The following ARID1B variants were observed in gnomAD, a reference collection of about 807,000 sequenced individuals.
ARID1B encodes AT-rich interactive domain-containing protein 1B.
In ARID1B, 30 loss-of-function variants were observed where a neutral mutation model predicts 212.3. The ratio of observed to expected loss-of-function variants is 0.14; its 90% CI spans 0.11 to 0.19. ARID1B has a LOEUF of 0.19. Ranked by LOEUF, ARID1B falls within the 10% of genes least tolerant of loss-of-function variation. ARID1B has a pLI of 1.00. For missense variants in ARID1B, 2,891 were observed against 3,204.0 expected (o/e 0.90, Z 2.36); for synonymous variants, 1,402 against 1,301.7 (o/e 1.08, Z -1.66).
At chr6:156,869,221 C>T (rs1184215279) in intron 2 of ARID1B, among the ~76,000 whole-genome samples, 1 of 152,148 alleles carries the variant, frequency 6.6e-6, no homozygotes, top group Non-Finnish European at 1.5e-5. Context: ...AGATTTAATA[C>T]TTTTAGCTGT....
intron 4 of ARID1B, among the ~76,000 whole-genome samples, chr6:157,061,675 CTTG>C (rs1583236227): frequency 2.0e-5 from 3 of 152,070 alleles, no homozygotes; most frequent in Non-Finnish European, 4.4e-5. Flanking sequence ...ACACTTAAAA[CTTG>C]TTATTTCTCT....
At chr6:156,920,868 T>G (rs1202188260) in intron 3 of ARID1B, among the ~76,000 whole-genome samples, 3 of 151,944 alleles carry the variant, frequency 2.0e-5, no homozygotes. Context: ...TTTCTTTTTT[T>G]TTTTTGACAG....
chr6:157,176,473 A>G (rs141941715), intron 11 of ARID1B, among the ~76,000 whole-genome samples: 2 of 152,216 alleles, frequency 1.3e-5, no homozygotes, highest in Admixed American at 6.5e-5. Flanking sequence ...TAGAATTCAG[A>G]TAACTTCTCA....
chr6:157,186,235 T>A (rs1792964590), intron 13 of ARID1B: 1 of 340,564 alleles, frequency 2.9e-6, no homozygotes, highest in Non-Finnish European at 5.8e-6. Flanking sequence ...CCTGTTCTCT[T>A]AACAGCCAGC....
intron 16 of ARID1B, 135 bp downstream of exon 16, chr6:157,196,450 C>T (rs1324281575): frequency 1.7e-6 from 2 of 1,153,906 alleles, no homozygotes; most frequent in African/African-American, 3.2e-5. Flanking sequence ...AGTAAAGAGG[C>T]AATGGCTGCT....
At chr6:156,842,973 G>A (rs962806895) in intron 2 of ARID1B, among the ~76,000 whole-genome samples, 9 of 152,244 alleles carry the variant, frequency 5.9e-5, no homozygotes, top group African/African-American at 2.2e-4. Flanking sequence ...CTTGCTGTGT[G>A]TGCAACACAT....
At chr6:156,985,066 T>G (rs1304952696) in intron 4 of ARID1B, 1 of 152,166 alleles carries the variant, frequency 6.6e-6, no homozygotes, top group African/African-American at 2.4e-5. Flanking sequence ...TAAATATTGC[T>G]TTATATATTT....
chr6:156,890,136 C>A (rs1787809964), intron 2 of ARID1B, among the ~76,000 whole-genome samples: 1 of 152,170 alleles, frequency 6.6e-6, no homozygotes, highest in Admixed American at 6.5e-5. Context: ...AAATTGAGGT[C>A]ATGAGAGGCA....
chr6:156,813,786 C>T (rs985249907), intron 1 of ARID1B, among the ~76,000 whole-genome samples: 3 of 152,300 alleles, frequency 2.0e-5, no homozygotes, highest in Admixed American at 1.3e-4. Flanking sequence ...GAGCTTACAG[C>T]GCTTTGCAGA....
At position 156,856,700 on chromosome 6, in the gene ARID1B, T is replaced by TCACACA. The variant is rs141705209; in HGVS notation, c.1986+27316_1986+27321dup. Among the ~76,000 whole-genome samples the TCACACA allele has an allele frequency of 4.6e-4, 53 of 114,732 alleles. 1 individual carries two copies. Among genetic ancestry groups the TCACACA allele is most frequent in the Admixed American group, 1.0e-3 (11 of 11,054 alleles). 75.3% of individuals were successfully genotyped at this position (114,732 alleles called of 152,430 possible). On this transcript the variant is annotated intron_variant, in intron 2 of 19. Transcript: ENST00000636930. ...CTCTCTCTCTCTCTCTCTCTCTCTC[T>TCACACA]CACACACACACACACACACACACAC...
intron 1 of ARID1B, among the ~76,000 whole-genome samples, chr6:156,793,180 A>G (rs1194506524): frequency 6.6e-6 from 1 of 152,088 alleles, no homozygotes; most frequent in East Asian, 1.9e-4. Flanking sequence ...GCAAAAGGGA[A>G]TTCTGTGATT....
At chr6:156,802,074 G>A (rs567276039) in intron 1 of ARID1B, among the ~76,000 whole-genome samples, 1 of 152,346 alleles carries the variant, frequency 6.6e-6, no homozygotes, top group Non-Finnish European at 1.5e-5. Context: ...GCAGATAAAT[G>A]TGTAAACGGC....
chr6:156,790,062 C>T (rs2115174593), intron 1 of ARID1B, among the ~76,000 whole-genome samples: 1 of 152,194 alleles, frequency 6.6e-6, no homozygotes, highest in East Asian at 1.9e-4. Flanking sequence ...CTAATCCATA[C>T]CATGGCAGTT....
At position 157,196,443 on chromosome 6, in the gene ARID1B, A is replaced by G. The variant is rs1053427506; in HGVS notation, c.4382+128A>G. The G allele has an allele frequency of 3.2e-6, 4 of 1,243,342 alleles. No homozygotes were observed. The African/African-American group carries it at 4.6e-5, about 14-fold the overall frequency. The allele number at this position is 1,243,342 out of a possible 1,614,324, so 77.0% of individuals were successfully genotyped here. A position where few individuals can be genotyped will look rare whatever the true frequency, so the allele number is the denominator to read the frequency against. On this transcript the variant is annotated intron_variant, in intron 16 of 19. Transcript: ENST00000636930. ...ACAGTGTCCCCTTTCCTGTGAAAGT[A>G]AAGAGGCAATGGCTGCTGGTCACCA...
At chr6:156,902,296 A>G (rs936563160) in intron 3 of ARID1B, 3 of 152,274 alleles carry the variant, frequency 2.0e-5, no homozygotes, top group African/African-American at 4.8e-5. Context: ...AGCACATCCA[A>G]TCATAAACAT....
intron 2 of ARID1B, among the ~76,000 whole-genome samples, chr6:156,860,147 G>A (rs1785228219): frequency 6.6e-6 from 1 of 152,150 alleles, no homozygotes; most frequent in Non-Finnish European, 1.5e-5. Flanking sequence ...TGCAGAATAT[G>A]CTTTAAATTT....
chr6:156,911,477 C>T (rs983576925), intron 3 of ARID1B, among the ~76,000 whole-genome samples: 2 of 151,890 alleles, frequency 1.3e-5, no homozygotes, highest in African/African-American at 2.4e-5. Context: ...CATTCCTACC[C>T]TATAGCCACT....
At chr6:157,002,869 T>C (rs1778985413) in intron 4 of ARID1B, among the ~76,000 whole-genome samples, 1 of 152,232 alleles carries the variant, frequency 6.6e-6, no homozygotes, top group Non-Finnish European at 1.5e-5. Context: ...TAATCTTTTC[T>C]TAAGTAAGAA....
intron 6 of ARID1B, among the ~76,000 whole-genome samples, chr6:157,131,017 T>G (rs1482149293): frequency 6.6e-6 from 1 of 152,232 alleles, no homozygotes; most frequent in African/African-American, 2.4e-5. Flanking sequence ...GCTCCATCTA[T>G]GAACTCGCTT....
Sources: allele counts gnomAD v4.1 joint callset (sites outside exome capture counted in the v4.1 genomes callset), GRCh38; gene constraint gnomAD v4.1.1; transcripts MANE v1.5; gene names NCBI Gene and HGNC (gene_info 2026-07-23, HGNC 2026-07-21).